Variants in SPOCK3 observed in about 807,000 individuals in gnomAD.
SPOCK3 encodes SPARC (osteonectin), cwcv and kazal like domains proteoglycan 3.
In SPOCK3, 30 loss-of-function variants were observed where a neutral mutation model predicts 56.6. The observed-to-expected ratio is 0.53, with a 90% CI of 0.40 to 0.72. The LOEUF (loss-of-function observed/expected upper bound fraction) is 0.72, where lower values mean the gene tolerates loss of function less well. SPOCK3 is among the 30% of genes least tolerant of loss of function. The probability of loss-of-function intolerance (pLI) is 0.00; values close to 1 mark genes in which losing one functional copy is unlikely to be tolerated. For synonymous variants in SPOCK3, 196 were observed against 183.3 expected, an observed-to-expected ratio of 1.07 and a Z score of -0.56; for missense variants, 527 against 530.0, an observed-to-expected ratio of 0.99 and a Z score of 0.06.
At chr4:166,748,474 C>T (rs1304683772) in intron 8 of SPOCK3, among the ~76,000 whole-genome samples, 1 of 136,924 alleles carries the variant, frequency 7.3e-6, no homozygotes, top group Middle Eastern at 3.2e-3. Flanking sequence ...ACATCATATA[C>T]AAAAGTTAAC....
At chr4:167,034,574 G>C (rs904767995) in intron 3 of SPOCK3, among the ~76,000 whole-genome samples, 15 of 152,038 alleles carry the variant, frequency 9.9e-5, no homozygotes, top group Admixed American at 7.9e-4. Flanking sequence ...AGCTCAGCAA[G>C]ACTTAAGTCA....
chr4:167,175,858 T>C (rs2150478239), intron 2 of SPOCK3, among the ~76,000 whole-genome samples: 1 of 152,244 alleles, frequency 6.6e-6, no homozygotes, highest in African/African-American at 2.4e-5. Context: ...TACAATACTA[T>C]CAATAATAAT....
chr4:166,873,820 T>C (rs1732765182), intron 6 of SPOCK3, among the ~76,000 whole-genome samples: 1 of 152,004 alleles, frequency 6.6e-6, no homozygotes, highest in Admixed American at 6.6e-5. Context: ...GGGAAGGGTA[T>C]AGAACTCAAT....
intron 8 of SPOCK3, among the ~76,000 whole-genome samples, chr4:166,746,204 A>G (rs1394667259): frequency 4.6e-5 from 7 of 152,192 alleles, no homozygotes; most frequent in African/African-American, 9.6e-5. Flanking sequence ...GAAGCACATC[A>G]CACTTATTCC....
intron 6 of SPOCK3, among the ~76,000 whole-genome samples, chr4:166,797,260 G>T: frequency 7.8e-6 from 1 of 127,528 alleles, no homozygotes; most frequent in Non-Finnish European, 1.6e-5. Context: ...TTTTTGAGAA[G>T]GAGTCTCACT....
intron 6 of SPOCK3, among the ~76,000 whole-genome samples, chr4:166,811,156 C>T (rs1236653548): frequency 1.3e-5 from 2 of 151,392 alleles, no homozygotes; most frequent in Non-Finnish European, 3.0e-5. Context: ...ATTGTTTTAC[C>T]TAACTTTTGT....
intron 4 of SPOCK3, among the ~76,000 whole-genome samples, chr4:166,947,740 C>T (rs915043144): frequency 6.6e-6 from 1 of 151,934 alleles, no homozygotes; most frequent in Non-Finnish European, 1.5e-5. Context: ...TTTAAATTGA[C>T]ACGTCATAAT....
chr4:166,946,076 A>G (rs776378661), intron 4 of SPOCK3, among the ~76,000 whole-genome samples: 28 of 152,154 alleles, frequency 1.8e-4, no homozygotes, highest in Non-Finnish European at 3.5e-4. Flanking sequence ...ACCATGAATA[A>G]CTACGATAAC....
intron 4 of SPOCK3, among the ~76,000 whole-genome samples, chr4:166,969,719 A>G (rs1185940998): frequency 6.6e-6 from 1 of 152,078 alleles, no homozygotes; most frequent in Non-Finnish European, 1.5e-5. Context: ...TCTTTTCTTC[A>G]TATATTACCC....
At chr4:167,212,556 T>A (rs1037812736) in intron 2 of SPOCK3, among the ~76,000 whole-genome samples, 5 of 152,156 alleles carry the variant, frequency 3.3e-5, no homozygotes, top group Admixed American at 6.5e-5. Context: ...TTTATTCTTA[T>A]ACCTCTGAAT....
intron 4 of SPOCK3, among the ~76,000 whole-genome samples, chr4:166,962,659 C>T (rs114091648): frequency 6.6e-6 from 1 of 152,214 alleles, no homozygotes; most frequent in African/African-American, 2.4e-5. Context: ...GTGCATGACA[C>T]TTCAGCATTA....
chr4:167,209,098 A>G (rs1014270147), intron 2 of SPOCK3, among the ~76,000 whole-genome samples: 2 of 152,078 alleles, frequency 1.3e-5, no homozygotes, highest in East Asian at 3.9e-4. Context: ...ACCACTAAAG[A>G]CAGAAGGGCA....
chr4:166,792,330 A>C, intron 6 of SPOCK3, 41 bp from the exon 7 acceptor site: 1 of 1,608,894 alleles, frequency 6.2e-7, no homozygotes, highest in Non-Finnish European at 8.5e-7. Context: ...ATAATATCTT[A>C]GTATAATGTT....
At chr4:166,847,144 C>T (rs1748136617) in intron 6 of SPOCK3, among the ~76,000 whole-genome samples, 2 of 152,070 alleles carry the variant, frequency 1.3e-5, no homozygotes, top group African/African-American at 4.8e-5. Context: ...GATATGTCAT[C>T]CTGTACTGCA....
intron 2 of SPOCK3, among the ~76,000 whole-genome samples, chr4:167,108,482 G>A (rs1433619743): frequency 2.0e-5 from 3 of 151,848 alleles, no homozygotes; most frequent in Non-Finnish European, 4.4e-5. Context: ...CCATAAAAAG[G>A]ATGAGATTCT....
chr4:166,855,767 T>C (rs1730577962), intron 6 of SPOCK3, among the ~76,000 whole-genome samples: 1 of 152,152 alleles, frequency 6.6e-6, no homozygotes, highest in African/African-American at 2.4e-5. Flanking sequence ...TTTCTTGAGT[T>C]TCTGATTCAT....
chr4:167,102,116 T>C (rs1759706064), intron 2 of SPOCK3, among the ~76,000 whole-genome samples: 1 of 151,950 alleles, frequency 6.6e-6, no homozygotes, highest in Non-Finnish European at 1.5e-5. Flanking sequence ...TAAGCTGAAA[T>C]GAGAACAAGT....
intron 7 of SPOCK3, among the ~76,000 whole-genome samples, chr4:166,769,525 C>T (rs1738634587): frequency 6.6e-6 from 1 of 152,130 alleles, no homozygotes; most frequent in South Asian, 2.1e-4. Context: ...AGCAAATGTT[C>T]CTGCCTGATC....
intron 6 of SPOCK3, among the ~76,000 whole-genome samples, chr4:166,823,959 G>A (rs796533840): frequency 1.4e-4 from 21 of 152,094 alleles, no homozygotes; most frequent in African/African-American, 4.1e-4. Flanking sequence ...AGCTGTTATC[G>A]GTTAATGAGA....
Sources: allele counts gnomAD v4.1 joint callset (sites outside exome capture counted in the v4.1 genomes callset), GRCh38; gene constraint gnomAD v4.1.1; transcripts MANE v1.5; gene names NCBI Gene and HGNC (gene_info 2026-07-23, HGNC 2026-07-21).